Variants in ZMYM4 observed in about 807,000 individuals in gnomAD.
ZMYM4 encodes the protein zinc finger MYM-type protein 4.
In ZMYM4, 31 loss-of-function variants were observed where a neutral mutation model predicts 183.2. That is an observed-to-expected ratio of 0.17 (90% CI 0.13 to 0.23). ZMYM4 has a LOEUF of 0.23. Ranked by LOEUF, ZMYM4 falls within the 10% of genes least tolerant of loss-of-function variation. ZMYM4 has a pLI of 1.00. For missense variants in ZMYM4, 1,273 were observed against 1,840.3 expected (o/e 0.69, Z 5.64); for synonymous variants, 592 against 631.2 (o/e 0.94, Z 0.93).
At position 35,268,916 on chromosome 1, in the gene ZMYM4, C is replaced by A; in HGVS notation, c.-131C>A. The A allele has an allele frequency of 9.2e-7, 1 of 1,090,978 alleles. No individual in the cohort carries two copies. The highest frequency in any genetic ancestry group is 1.2e-6 in the Non-Finnish European group (1 of 844,948). 67.6% of individuals were successfully genotyped at this position (1,090,978 alleles called of 1,614,324 possible). ...GCATCCGCCCCCTCCCCACTCTCGG[C>A]GCAAGGCCCGGCCGGGTCCGGGGAA... is the stretch of plus-strand genomic sequence containing the variant. On this transcript the variant is annotated 5_prime_UTR_variant, in exon 1 of 30. Transcript: ENST00000314607.
intron 2 of ZMYM4, among the ~76,000 whole-genome samples, chr1:35,328,581 C>T (rs940862646): frequency 2.6e-5 from 4 of 151,012 alleles, no homozygotes; most frequent in Admixed American, 6.6e-5. Context: ...CAGGAGTGAG[C>T]CACCACACCC....
chr1:35,346,938 C>T (rs528106413), intron 2 of ZMYM4, among the ~76,000 whole-genome samples: 4 of 152,248 alleles, frequency 2.6e-5, no homozygotes, highest in Admixed American at 1.3e-4. Context: ...AATGTAAAAT[C>T]ATTCTTAGCT....
Position 35,361,239 on chromosome 1 carries a change from C to G in ZMYM4, c.653C>G (p.Pro218Arg). 2 of 1,605,098 alleles carry G rather than the reference C, an allele frequency of 1.2e-6. No individual in the cohort carries two copies. Among genetic ancestry groups the G allele is most frequent in the Non-Finnish European group, 1.7e-6 (2 of 1,176,668 alleles). ...TTACATACCCATTTACCACAAACCC[C>G]AGAAACAAACTTTAGGGTAAGTTTT... Reference protein sequence around the residue: ...ETLHTHLPQTPETNFRDSSYP... With the variant: ...ETLHTHLPQTRETNFRDSSYP... Residue 218 changes from proline to arginine, a missense_variant, in exon 4 of 30, where the codon CCA becomes CGA. By Grantham distance (103) the Pro-to-Arg change is moderately radical. Around this residue, in one of 6 missense-constraint regions of ZMYM4, gnomAD observed 384 missense variants for 465.6 expected, o/e 0.82. Coordinates refer to ENST00000314607, the MANE Select transcript of ZMYM4 (RefSeq NM_005095.3).
intron 2 of ZMYM4, among the ~76,000 whole-genome samples, chr1:35,334,569 A>G (rs1453421266): frequency 6.6e-6 from 1 of 152,178 alleles, no homozygotes; most frequent in Admixed American, 6.5e-5. Flanking sequence ...TGAAGAATGA[A>G]TATCTTTTGC....
intron 2 of ZMYM4, among the ~76,000 whole-genome samples, chr1:35,338,228 A>G (rs1357495281): frequency 6.6e-6 from 1 of 152,214 alleles, no homozygotes; most frequent in Non-Finnish European, 1.5e-5. Flanking sequence ...GCAGGTGTAC[A>G]TTCTCAACTT....
At chr1:35,336,049 C>T (rs1642961625) in intron 2 of ZMYM4, among the ~76,000 whole-genome samples, 1 of 152,180 alleles carries the variant, frequency 6.6e-6, no homozygotes, top group African/African-American at 2.4e-5. Flanking sequence ...ACTTTTTCAT[C>T]CTGCAAAAGT....
intron 7 of ZMYM4, 100 bp downstream of exon 7, chr1:35,370,727 CTTTTTTTTTTTT>C (rs3066096): frequency 4.2e-5 from 12 of 284,238 alleles, no homozygotes; most frequent in Non-Finnish European, 5.8e-5. Flanking sequence ...ACATTTATTC[CTTTTTTTTTTTT>C]TTTTTTTTTT....
At chr1:35,333,222 A>G (rs13375113) in intron 2 of ZMYM4, among the ~76,000 whole-genome samples, 2,636 of 151,870 alleles carry the variant, frequency 0.017, 72 homozygotes, top group African/African-American at 0.059. Context: ...CCAGTAATAC[A>G]TATATGTAAA....
chr1:35,370,120 AACAG>A lies in ZMYM4; in HGVS notation c.925+10_925+13del. The stretch of plus-strand genomic sequence containing the variant: ...GTCAGTGGCAGCCCTCTTGGTAAGA[AACAG>A]ACCTGAATAAATGGATTGTGTATGT... On this transcript the variant is annotated splice_region_variant and intron_variant, in intron 6 of 29. Coordinates refer to ENST00000314607, the MANE Select transcript of ZMYM4 (RefSeq NM_005095.3). 6.2e-7 allele frequency: 1 copy of A among 1,612,260 alleles called. No homozygotes were observed. The highest frequency in any genetic ancestry group is 8.5e-7 in the Non-Finnish European group (1 of 1,178,720).
At chr1:35,372,221 T>G (rs1042249402) in intron 7 of ZMYM4, among the ~76,000 whole-genome samples, 13 of 152,346 alleles carry the variant, frequency 8.5e-5, no homozygotes, top group African/African-American at 2.9e-4. Context: ...TTTCAATGCC[T>G]TTTGTGAAGG....
At chr1:35,380,984 C>T (rs771849370) in intron 7 of ZMYM4, among the ~76,000 whole-genome samples, 17 of 151,982 alleles carry the variant, frequency 1.1e-4, no homozygotes, top group Non-Finnish European at 1.8e-4. Flanking sequence ...ATAATGAATG[C>T]TAATCATTTG....
chr1:35,344,329 C>T (rs1643313310), intron 2 of ZMYM4, among the ~76,000 whole-genome samples: 1 of 152,130 alleles, frequency 6.6e-6, no homozygotes, highest in African/African-American at 2.4e-5. Context: ...GCTGGGATTA[C>T]AGGTGTAAGC....
At chr1:35,316,677 G>C (rs558219394) in intron 1 of ZMYM4, among the ~76,000 whole-genome samples, 1 of 152,208 alleles carries the variant, frequency 6.6e-6, no homozygotes, top group Non-Finnish European at 1.5e-5. Context: ...CTCAAGAGGA[G>C]AGAATTTGCA....
At chr1:35,335,332 GT>G (rs1642926853) in intron 2 of ZMYM4, among the ~76,000 whole-genome samples, 1 of 151,858 alleles carries the variant, frequency 6.6e-6, no homozygotes, top group African/African-American at 2.4e-5. Flanking sequence ...TGCTTCCCGG[GT>G]TCAAGTGATT....
intron 5 of ZMYM4, among the ~76,000 whole-genome samples, chr1:35,367,301 C>T (rs372428075): frequency 2.0e-5 from 3 of 151,728 alleles, no homozygotes; most frequent in Non-Finnish European, 2.9e-5. Flanking sequence ...CTCGCTGCAA[C>T]CTCTGCCCTC....
chr1:35,299,831 G>A (rs1296595164), intron 1 of ZMYM4, among the ~76,000 whole-genome samples: 6 of 149,928 alleles, frequency 4.0e-5, no homozygotes, highest in Admixed American at 3.3e-4. Flanking sequence ...GTCTTGCTCT[G>A]TTGCCCAGGC....
chr1:35,335,171 T>A lies in ZMYM4; in HGVS notation c.85+9766T>A, dbSNP rs148121529. ...AATTATTGAATATTTGTAGTTTTGC[T>A]TGGTTTTGAGCTTTGTATTGTTTTT... On this transcript the variant is annotated intron_variant, in intron 2 of 29. Transcript: ENST00000314607. 2.9e-3 allele frequency among the ~76,000 whole-genome samples: 446 copies of A among 152,252 alleles called. 6 individuals carry two copies. The highest frequency in any genetic ancestry group is 0.01 in the African/African-American group (435 of 41,564).
At chr1:35,311,169 C>T (rs1042108464) in intron 1 of ZMYM4, among the ~76,000 whole-genome samples, 2 of 152,038 alleles carry the variant, frequency 1.3e-5, no homozygotes, top group African/African-American at 4.8e-5. Flanking sequence ...TCTGTAATCC[C>T]AGCACTTTGG....
intron 19 of ZMYM4, 119 bp downstream of exon 19, chr1:35,396,789 G>A (rs1570520672): frequency 1.7e-6 from 2 of 1,155,768 alleles, no homozygotes; most frequent in East Asian, 5.4e-5. Context: ...CTGATTGGCT[G>A]TTATCATATT....
Sources: gnomAD v4.1 joint callset for allele counts (sites outside exome capture counted in the v4.1 genomes callset) on GRCh38, gnomAD v4.1.1 for gene constraint, gnomAD v4.1.1 regional missense constraint, MANE v1.5 for transcripts, NCBI Gene and HGNC (gene_info 2026-07-23, HGNC 2026-07-21) for gene names.